DOCK3: variants seen among roughly 807,000 people sequenced by gnomAD.
DOCK3 encodes the protein dedicator of cytokinesis protein 3.
DOCK3 carries 60 observed loss-of-function variants against 265.6 expected under a neutral mutation model. That is an observed-to-expected ratio of 0.23 (90% confidence interval 0.18 to 0.28). The LOEUF (loss-of-function observed/expected upper bound fraction) is 0.28, where lower values mean the gene tolerates loss of function less well. Among genes scored for constraint, DOCK3 ranks in the 10% least tolerant of loss-of-function variants. DOCK3 has a pLI of 1.00. For missense variants in DOCK3, 1,981 were observed against 2,594.3 expected, an observed-to-expected ratio of 0.76 and a Z score of 5.14; for synonymous variants, 881 against 938.0, an observed-to-expected ratio of 0.94 and a Z score of 1.11.
chr3:50,973,921 G>A (rs1168906250), intron 5 of DOCK3, among the ~76,000 whole-genome samples: 5 of 139,842 alleles, frequency 3.6e-5, no homozygotes, highest in African/African-American at 1.3e-4. Flanking sequence ...GTGTTTTTTG[G>A]CTGCATAAAT....
chr3:50,905,388 C>G (rs2049432706), intron 4 of DOCK3, among the ~76,000 whole-genome samples: 1 of 152,102 alleles, frequency 6.6e-6, no homozygotes, highest in Admixed American at 6.5e-5. Flanking sequence ...TTCTTCCTAT[C>G]CATGAGCATG....
At chr3:51,133,557 C>T (rs1231123951) in intron 9 of DOCK3, among the ~76,000 whole-genome samples, 1 of 152,062 alleles carries the variant, frequency 6.6e-6, no homozygotes, top group Admixed American at 6.5e-5. Context: ...TTAATCCAGT[C>T]TATCATTGAT....
chr3:50,824,442 T>C (rs1211117612), intron 2 of DOCK3, among the ~76,000 whole-genome samples: 3 of 152,168 alleles, frequency 2.0e-5, no homozygotes, highest in African/African-American at 7.2e-5. Flanking sequence ...AGGGTTGTAA[T>C]TTGTTTTGTG....
rs1372370959 is a variant in DOCK3 at position 51,382,424 on chromosome 3, C to T, written c.*865C>T. The T allele has an allele frequency of 1.3e-5, 2 of 152,628 alleles. No individual in the cohort carries two copies. The highest frequency in any genetic ancestry group is 4.8e-5 in the African/African-American group (2 of 41,452). 9.5% of individuals were successfully genotyped at this position (152,628 alleles called of 1,614,324 possible). On this transcript the variant is annotated 3_prime_UTR_variant, in exon 53 of 53. Transcript: ENST00000266037. Reference sequence around the variant, plus strand: ...CCTTCCTCCTAGGGGGAGCTGGTCCCCTTCCTATGTGGTAGAGAGACTGGT... The same window carrying T: ...CCTTCCTCCTAGGGGGAGCTGGTCCTCTTCCTATGTGGTAGAGAGACTGGT...
intron 23 of DOCK3, among the ~76,000 whole-genome samples, chr3:51,270,082 C>T (rs963682497): frequency 6.6e-6 from 1 of 152,166 alleles, no homozygotes; most frequent in Admixed American, 6.5e-5. Context: ...TATGGTCTGC[C>T]AGAGCTTACA....
At chr3:51,018,463 TAA>T (rs1296995763) in intron 5 of DOCK3, among the ~76,000 whole-genome samples, 2 of 138,484 alleles carry the variant, frequency 1.4e-5, no homozygotes, top group South Asian at 2.2e-4. Flanking sequence ...TAAGTAAAAT[TAA>T]AAAAAAAAAA....
At chr3:51,249,954 C>T (rs376872482) in intron 22 of DOCK3, among the ~76,000 whole-genome samples, 21 of 151,686 alleles carry the variant, frequency 1.4e-4, no homozygotes, top group African/African-American at 4.8e-4. Context: ...GCCTTGGGAT[C>T]CTGTTGATCT....
intron 3 of DOCK3, 85 bp from the exon 4 acceptor site, chr3:50,889,941 C>A (rs2048563035): frequency 9.0e-7 from 1 of 1,108,962 alleles, no homozygotes; most frequent in Non-Finnish European, 1.2e-6. Flanking sequence ...TGTTTCTGTG[C>A]TGAAATCTGA....
intron 5 of DOCK3, among the ~76,000 whole-genome samples, chr3:50,952,828 C>T (rs2076628173): frequency 2.0e-5 from 3 of 152,062 alleles, no homozygotes; most frequent in South Asian, 2.1e-4. Flanking sequence ...TCTTAGTTTC[C>T]TCATCTGTGA....
intron 9 of DOCK3, among the ~76,000 whole-genome samples, chr3:51,113,869 T>C (rs1190973477): frequency 6.6e-6 from 1 of 152,130 alleles, no homozygotes; most frequent in Non-Finnish European, 1.5e-5. Flanking sequence ...CTCAGCACTT[T>C]GGGAGGCTAA....
At chr3:51,308,005 C>G (rs2082793786) in intron 27 of DOCK3, among the ~76,000 whole-genome samples, 1 of 150,648 alleles carries the variant, frequency 6.6e-6, no homozygotes, top group African/African-American at 2.4e-5. Context: ...CAGGAAGCTG[C>G]CAAGCAGGTC....
intron 2 of DOCK3, among the ~76,000 whole-genome samples, chr3:50,790,561 T>C (rs545975127): frequency 1.4e-4 from 22 of 152,210 alleles, no homozygotes; most frequent in African/African-American, 5.3e-4. Flanking sequence ...AGACTATCTT[T>C]CCTTCATTTA....
At chr3:50,866,569 G>T (rs983813643) in intron 3 of DOCK3, among the ~76,000 whole-genome samples, 2 of 151,784 alleles carry the variant, frequency 1.3e-5, no homozygotes, top group Admixed American at 6.6e-5. Flanking sequence ...GTAGTTTGAG[G>T]GTATATGCAA....
chr3:50,692,014 A>AG (rs2035281578), intron 1 of DOCK3, among the ~76,000 whole-genome samples: 1 of 151,068 alleles, frequency 6.6e-6, no homozygotes. Context: ...TCCTGAGCTC[A>AG]GGGGATTCTC....
At chr3:51,117,227 G>A (rs907748239) in intron 9 of DOCK3, among the ~76,000 whole-genome samples, 1 of 152,136 alleles carries the variant, frequency 6.6e-6, no homozygotes, top group Admixed American at 6.5e-5. Context: ...TAATCATGTG[G>A]TTTTTGTCAT....
chr3:51,019,111 A>G (rs2079480552), intron 5 of DOCK3, among the ~76,000 whole-genome samples: 1 of 151,830 alleles, frequency 6.6e-6, no homozygotes, highest in Admixed American at 6.6e-5. Context: ...TCTTTGGTGA[A>G]CACAAATTCT....
intron 12 of DOCK3, among the ~76,000 whole-genome samples, chr3:51,162,699 G>T (rs574232465): frequency 6.6e-5 from 10 of 152,138 alleles, no homozygotes; most frequent in Non-Finnish European, 1.3e-4. Context: ...ATAGGAGCTT[G>T]CACAGCATTC....
intron 32 of DOCK3, among the ~76,000 whole-genome samples, 167 bp from the exon 33 acceptor site, chr3:51,329,971 A>G (rs2084409690): frequency 6.6e-6 from 1 of 152,148 alleles, no homozygotes; most frequent in South Asian, 2.1e-4. Flanking sequence ...GGGGAGCAGA[A>G]TGGTTTCTTG....
At chr3:51,308,590 C>T (rs2082842996) in intron 27 of DOCK3, among the ~76,000 whole-genome samples, 1 of 152,186 alleles carries the variant, frequency 6.6e-6, no homozygotes, top group African/African-American at 2.4e-5. Context: ...TAGTACAGAA[C>T]AAAATGAAAA....
Sources: allele counts gnomAD v4.1 joint callset (sites outside exome capture counted in the v4.1 genomes callset), GRCh38; gene constraint gnomAD v4.1.1; transcripts MANE v1.5; gene names NCBI Gene and HGNC (gene_info 2026-07-23, HGNC 2026-07-21).